HGS: variants seen among roughly 807,000 people sequenced by gnomAD.
The protein encoded by HGS is hepatocyte growth factor-regulated tyrosine kinase substrate, also known as human growth factor-regulated tyrosine kinase substrate.
A neutral mutation model predicts 109.7 loss-of-function variants in HGS; 63 were observed. The ratio of observed to expected loss-of-function variants is 0.57; its 90% confidence interval spans 0.47 to 0.71. The LOEUF (loss-of-function observed/expected upper bound fraction) is 0.71, where lower values mean the gene tolerates loss of function less well. HGS is among the 30% of genes least tolerant of loss of function. The probability of loss-of-function intolerance (pLI) is 0.00; values close to 1 mark genes in which losing one functional copy is unlikely to be tolerated. For missense variants in HGS, 995 were observed against 1,068.3 expected, an observed-to-expected ratio of 0.93 and a Z score of 0.96; for synonymous variants, 546 against 437.3, an observed-to-expected ratio of 1.25 and a Z score of -3.10.
At chr17:81,696,042 GTGT>G in intron 15 of HGS, 43 bp downstream of exon 15, 1 of 1,494,402 alleles carries the variant, frequency 6.7e-7, no homozygotes. Flanking sequence ...GGGCAGCCAG[GTGT>G]TGTGAGCGCC....
At position 81,685,698 on chromosome 17, in the gene HGS, G is replaced by C. The variant is rs776254032; in HGVS notation, c.122+9G>C. On this transcript the variant is annotated intron_variant, in intron 2 of 21. Transcript: ENST00000329138. ...CGCCAAGGGGACACACAGTGAGTTAGCGGGGCCTGTGCCCTGATGCGGAGG... is the reference window on the plus strand; with the variant it reads ...CGCCAAGGGGACACACAGTGAGTTACCGGGGCCTGTGCCCTGATGCGGAGG... 3 of 1,608,606 alleles carry C rather than the reference G, an allele frequency of 1.9e-6. No homozygotes were observed. The African/African-American group carries it at 4.0e-5, about 22-fold the overall frequency.
At chr17:81,700,211 A>C (rs1166725228) in intron 18 of HGS, among the ~76,000 whole-genome samples, 4 of 148,376 alleles carry the variant, frequency 2.7e-5, no homozygotes, top group African/African-American at 7.5e-5. Flanking sequence ...TTAAAAGTAC[A>C]AAAAAAAATT....
Position 81,696,681 on chromosome 17 carries a change from G to A in HGS, c.1641G>A (p.Leu547=), listed in dbSNP as rs1344738124. The A allele has an allele frequency of 2.5e-6, 4 of 1,611,494 alleles. No homozygotes were observed. In the Admixed American group the frequency reaches 5.0e-5, roughly 20 times the overall value. Residue 547 remains leucine (L), a synonymous_variant, in exon 17 of 22, where the codon CTG becomes CTA. Transcript: ENST00000329138. The part of the protein sequence containing the change: ...QEQEKERQMR[L]EQQKQTVQMR... ...AGGAGAAGGAGCGGCAGATGCGGCT[G>A]GAGCAGCAGAAGCAGACGGTCCAGA...
chr17:81,684,040 G>A lies in HGS; in HGVS notation c.-27G>A. 3.8e-6 allele frequency: 6 copies of A among 1,585,510 alleles called. No homozygotes were observed. Among genetic ancestry groups the A allele is most frequent in the South Asian group, 2.3e-5 (2 of 88,184 alleles). ...CAGCTCGTAGCAGGGGAGCGCCCGC[G>A]GCGTCGGGTTTGGGCTGGAGGTCGC... On this transcript the variant is annotated 5_prime_UTR_variant, in exon 1 of 22. Coordinates refer to ENST00000329138, the MANE Select transcript of HGS (RefSeq NM_004712.5).
At chr17:81,697,762 A>G (rs2037177326) in intron 18 of HGS, 1 of 151,058 alleles carries the variant, frequency 6.6e-6, no homozygotes, top group African/African-American at 2.4e-5. Context: ...GGCGGGAGGT[A>G]CTCTTCCCCA....
chr17:81,693,768 C>T lies in HGS; in HGVS notation c.840+16C>T, dbSNP rs1269327148. ...GGAGAGGCTGGTAAGCCGGGTGGGGCGGGGCGGCCTCAGGAGGGGCCCAGC... is the reference window on the plus strand; with the variant it reads ...GGAGAGGCTGGTAAGCCGGGTGGGGTGGGGCGGCCTCAGGAGGGGCCCAGC... On this transcript the variant is annotated intron_variant, in intron 10 of 21. Coordinates refer to ENST00000329138, the MANE Select transcript of HGS (RefSeq NM_004712.5). 7.8e-6 allele frequency: 12 copies of T among 1,536,342 alleles called. No individual in the cohort carries two copies. Among genetic ancestry groups the T allele is most frequent in the South Asian group, 2.4e-5 (2 of 82,988 alleles).
chr17:81,701,722 T>C lies in HGS; in HGVS notation c.*104T>C. ...CCTCCCTGTCCTCTACTGCCGGTAGTGTCCCTTCTCTGCGAGTGAGGGGGG... is the reference window on the plus strand; with the variant it reads ...CCTCCCTGTCCTCTACTGCCGGTAGCGTCCCTTCTCTGCGAGTGAGGGGGG... On this transcript the variant is annotated 3_prime_UTR_variant, in exon 22 of 22. Coordinates refer to ENST00000329138, the MANE Select transcript of HGS (RefSeq NM_004712.5). 2 of 1,454,164 alleles carry C rather than the reference T, an allele frequency of 1.4e-6. No individual in the cohort carries two copies. The highest frequency in any genetic ancestry group is 1.8e-6 in the Non-Finnish European group (2 of 1,097,232). The allele number at this position is 1,454,164 out of a possible 1,614,324, so 90.1% of individuals were successfully genotyped here. A position where few individuals can be genotyped will look rare whatever the true frequency, so the allele number is the denominator to read the frequency against.
intron 1 of HGS, 145 bp downstream of exon 1, chr17:81,684,248 A>T: frequency 1.4e-6 from 1 of 731,832 alleles, no homozygotes; most frequent in Non-Finnish European, 1.9e-6. Flanking sequence ...CCGGGTTCGG[A>T]GCCGCCGATC....
At position 81,701,558 on chromosome 17, in the gene HGS, ACCGCAGGCACAGGGG is replaced by A; in HGVS notation, c.2279_2293del (p.Gln760_Pro764del). 35 of 1,571,466 alleles carry A rather than the reference ACCGCAGGCACAGGGG, an allele frequency of 2.2e-5. No individual in the cohort carries two copies. The highest frequency in any genetic ancestry group is 2.9e-5 in the Non-Finnish European group (34 of 1,165,756). ...AGCAGCAGCCCCCCGTGGCCCAGCA[ACCGCAGGCACAGGGG>A]CCGCCGGCACAGGGCAGCGAGGCCC... On this transcript the variant is annotated inframe_deletion, in exon 22 of 22. Transcript: ENST00000329138.
At position 81,691,776 on chromosome 17, in the gene HGS, C is replaced by T. The variant is rs2037066401; in HGVS notation, c.662+205C>T. The stretch of plus-strand genomic sequence containing the variant: ...GGGCAGGTGGGTGTGAGAGACAGGG[C>T]GCCGCGGCTCCAGGGACCGAGGCTG... On this transcript the variant is annotated intron_variant, in intron 8 of 21. Transcript: ENST00000329138. This position sits in a 1 kb window ranked among gnomAD's most constrained non-coding sequence, Gnocchi z 5.3. 1.6e-5 allele frequency: 9 copies of T among 561,738 alleles called. No homozygotes were observed. The highest frequency in any genetic ancestry group is 3.1e-5 in the Admixed American group (1 of 32,108). 34.8% of individuals were successfully genotyped at this position (561,738 alleles called of 1,614,324 possible). A position where few individuals can be genotyped will look rare whatever the true frequency, so the allele number is the denominator to read the frequency against.
intron 15 of HGS, 141 bp downstream of exon 15, chr17:81,696,140 A>C: frequency 1.1e-6 from 1 of 920,942 alleles, no homozygotes; most frequent in Non-Finnish European, 1.6e-6. Flanking sequence ...GAGTGTCAAC[A>C]GGAGGTGGTC....
chr17:81,690,568 T>C (rs1358007035), intron 6 of HGS, 106 bp from the exon 7 acceptor site: 2 of 1,127,272 alleles, frequency 1.8e-6, no homozygotes, highest in African/African-American at 1.6e-5. Context: ...TCGCTCGTGC[T>C]GGGGTCCTCT....
intron 1 of HGS, chr17:81,684,899 A>G: frequency 1.0e-6 from 1 of 985,280 alleles, no homozygotes; most frequent in Non-Finnish European, 1.2e-6. Flanking sequence ...CAGGTAGTTC[A>G]GTGCTTCAGG....
chr17:81,696,110 G>T, intron 15 of HGS, 111 bp downstream of exon 15: 2 of 1,025,218 alleles, frequency 2.0e-6, no homozygotes, highest in Non-Finnish European at 2.8e-6. Context: ...TCCTTCATTG[G>T]GGCCGTGGCT....
At chr17:81,700,878 C>G (rs1469913841) in intron 20 of HGS, 64 bp downstream of exon 20, 1 of 1,582,234 alleles carries the variant, frequency 6.3e-7, no homozygotes, top group Non-Finnish European at 8.6e-7. Context: ...TGCTGAGGGT[C>G]CTTTGGTGAG....
At chr17:81,695,667 A>T in intron 14 of HGS, 119 bp from the exon 15 acceptor site, 1 of 862,866 alleles carries the variant, frequency 1.2e-6, no homozygotes. Flanking sequence ...CTGCTTGCAT[A>T]AGGAGCAGAT....
rs779758856 is a variant in HGS at position 81,686,369 on chromosome 17, C to A, written c.180C>A (p.Val60=). The change falls in exon 3 of 22, where the codon GTC becomes GTA. Residue 60 remains valine (V), a synonymous_variant. Transcript: ENST00000329138. The part of the protein sequence containing the change: ...KKKVNDKNPH[V]ALYALEVMES... ...AAGTCAACGACAAGAACCCACACGT[C>A]GCCTTGTATGCCCTGGAGGTAAGCA... is the stretch of plus-strand genomic sequence containing the variant. 1 of 1,613,636 alleles carries A rather than the reference C, an allele frequency of 6.2e-7. No homozygotes were observed. The highest frequency in any genetic ancestry group is 1.1e-5 in the South Asian group (1 of 91,086).
Position 81,696,009 on chromosome 17 carries a change from C to A in HGS, c.1393+10C>A. 6.5e-7 allele frequency: 1 copy of A among 1,538,992 alleles called. No homozygotes were observed. The highest frequency in any genetic ancestry group is 1.2e-5 in the South Asian group (1 of 80,234). The stretch of plus-strand genomic sequence containing the variant: ...CTGGACGAGCGCAGGCGTAGGTGCC[C>A]GCGCCACGGGGCCTCGGCTCAGGGG... On this transcript the variant is annotated intron_variant, in intron 15 of 21. Coordinates refer to ENST00000329138, the MANE Select transcript of HGS (RefSeq NM_004712.5).
In HGS at chr17:81,696,711, C is replaced by G; in HGVS notation, c.1671C>G (p.Arg557=). 4 of 1,608,880 alleles carry G rather than the reference C, an allele frequency of 2.5e-6. No homozygotes were observed. The highest frequency in any genetic ancestry group is 3.4e-6 in the Non-Finnish European group (4 of 1,177,688). ...AGCAGAAGCAGACGGTCCAGATGCG[C>G]GCGCAGATGCCCGCCTTCCCCCTGC... ...LEQQKQTVQM[R]AQMPAFPLPY... Residue 557 remains arginine (R), a synonymous_variant, in exon 17 of 22, where the codon CGC becomes CGG. Transcript: ENST00000329138.
Sources: allele counts gnomAD v4.1 joint callset (sites outside exome capture counted in the v4.1 genomes callset), GRCh38; gene constraint gnomAD v4.1.1; non-coding constraint Gnocchi (gnomAD v3.1); transcripts MANE v1.5; gene names NCBI Gene and HGNC (gene_info 2026-07-23, HGNC 2026-07-21).